RNF170: variants seen among roughly 807,000 people sequenced by gnomAD.
RNF170 encodes E3 ubiquitin-protein ligase RNF170.
In RNF170, 12 loss-of-function variants were observed where a neutral mutation model predicts 32.7. That is an observed-to-expected ratio of 0.37 (90% CI 0.24 to 0.60). The LOEUF (loss-of-function observed/expected upper bound fraction) is 0.60. RNF170 is among the 20% of genes least tolerant of loss of function. RNF170 has a pLI of 0.72. For missense variants in RNF170, 212 were observed against 311.2 expected, an observed-to-expected ratio of 0.68 and a Z score of 2.40; for synonymous variants, 91 against 103.6, an observed-to-expected ratio of 0.88 and a Z score of 0.74.
intron 3 of RNF170, among the ~76,000 whole-genome samples, chr8:42,871,071 A>G (rs1397133810): frequency 6.6e-6 from 1 of 151,354 alleles, no homozygotes; most frequent in East Asian, 2.0e-4. Context: ...TTAGCTGGGC[A>G]TGGTGGCGCA....
At position 42,865,455 on chromosome 8, in the gene RNF170, T is replaced by A. The variant is rs1306560025; in HGVS notation, c.357A>T (p.Ser119=). Residue 119 remains serine (S), a synonymous_variant, in exon 5 of 7, where the codon TCA becomes TCT. Transcript: ENST00000527424. ...TTGGACAACTGATTGCCCCAAGCCA[T>A]GAACCATATCGCCAGTAAGCAATAA... is the stretch of plus-strand genomic sequence containing the variant. ...ACIIAYWRYG[S]WLGAISCPIC... is the part of the protein sequence containing the mutation. The A allele has an allele frequency of 1.2e-6, 2 of 1,613,836 alleles. No homozygotes were observed. The highest frequency in any genetic ancestry group is 1.7e-6 in the Non-Finnish European group (2 of 1,179,870).
At chr8:42,896,389 C>T in intron 1 of RNF170, 95 bp downstream of exon 1, 1 of 442,488 alleles carries the variant, frequency 2.3e-6, no homozygotes, top group Non-Finnish European at 4.5e-6. Flanking sequence ...CGCAGAGCCT[C>T]GGCGGCCAGA....
intron 4 of RNF170, among the ~76,000 whole-genome samples, chr8:42,869,122 C>T (rs1804334649): frequency 6.6e-6 from 1 of 151,916 alleles, no homozygotes; most frequent in African/African-American, 2.4e-5. Flanking sequence ...GTTGCCCAGG[C>T]TGGCCTCCAA....
chr8:42,880,498 G>A (rs925434876), intron 2 of RNF170, among the ~76,000 whole-genome samples: 4 of 152,288 alleles, frequency 2.6e-5, no homozygotes, highest in African/African-American at 4.8e-5. Flanking sequence ...CCAGCCAGGC[G>A]CAGTGGCTCA....
Position 42,854,897 on chromosome 8 carries a change from G to A in RNF170, c.*1262C>T, listed in dbSNP as rs1346027840. ...GGCTCAAGACATGAATCTGAGCTGTGTGCTGCCATCCTGAGACAGTATTAT... is the reference window on the plus strand; with the variant it reads ...GGCTCAAGACATGAATCTGAGCTGTATGCTGCCATCCTGAGACAGTATTAT... On this transcript the variant is annotated 3_prime_UTR_variant, in exon 7 of 7. Transcript: ENST00000527424. 3.1e-6 allele frequency: 4 copies of A among 1,287,076 alleles called. No homozygotes were observed. Among genetic ancestry groups the A allele is most frequent in the Non-Finnish European group, 4.0e-6 (4 of 988,692 alleles). The allele number at this position is 1,287,076 out of a possible 1,614,324, so 79.7% of individuals were successfully genotyped here.
chr8:42,886,081 GGGCGTGGT>G (rs1563272576), intron 2 of RNF170, among the ~76,000 whole-genome samples: 1 of 152,000 alleles, frequency 6.6e-6, no homozygotes, highest in African/African-American at 2.4e-5. Flanking sequence ...AAAATTAGCC[GGGCGTGGT>G]GGTGGGCACC....
In RNF170 at chr8:42,856,105, T is replaced by C; in HGVS notation, c.*54A>G. 1.9e-6 allele frequency: 3 copies of C among 1,608,598 alleles called. No individual in the cohort carries two copies. Among genetic ancestry groups the C allele is most frequent in the Non-Finnish European group, 1.7e-6 (2 of 1,178,666 alleles). ...TTTATACTGCCATGGGTCCTTCTGT[T>C]TGATGTTCTACATTAGCTCAGATAT... is the stretch of plus-strand genomic sequence containing the variant. On this transcript the variant is annotated 3_prime_UTR_variant, in exon 7 of 7. Transcript: ENST00000527424.
chr8:42,897,101 C>T (rs1310522961), upstream of RNF170: 1 of 1,238,478 alleles, frequency 8.1e-7, no homozygotes. Flanking sequence ...TCTGGCCAGG[C>T]GGTAGGCGCT....
At chr8:42,859,991 A>C (rs1803538030) in intron 6 of RNF170, among the ~76,000 whole-genome samples, 1 of 152,158 alleles carries the variant, frequency 6.6e-6, no homozygotes, top group Non-Finnish European at 1.5e-5. Context: ...AGGACACCCC[A>C]AAAATAGAAA....
intron 5 of RNF170, among the ~76,000 whole-genome samples, chr8:42,864,832 T>C (rs1803961851): frequency 6.6e-6 from 1 of 151,916 alleles, no homozygotes; most frequent in Admixed American, 6.6e-5. Context: ...TATGCATATA[T>C]AGAGGATATA....
chr8:42,867,582 T>C (rs758059762), intron 4 of RNF170, among the ~76,000 whole-genome samples: 1 of 150,134 alleles, frequency 6.7e-6, no homozygotes, highest in African/African-American at 2.5e-5. Context: ...AAGACCATCA[T>C]GGCTAACATG....
intron 6 of RNF170, among the ~76,000 whole-genome samples, chr8:42,857,701 T>A (rs566905059): frequency 2.6e-5 from 4 of 152,254 alleles, no homozygotes; most frequent in Non-Finnish European, 5.9e-5. Flanking sequence ...AAATAATAAT[T>A]GAGTAATAGT....
intron 6 of RNF170, among the ~76,000 whole-genome samples, chr8:42,857,880 C>A (rs964310902): frequency 1.3e-5 from 2 of 152,116 alleles, no homozygotes; most frequent in East Asian, 3.9e-4. Flanking sequence ...ACTAAAAATA[C>A]AAAAATTAGC....
intron 2 of RNF170, among the ~76,000 whole-genome samples, chr8:42,879,131 C>A (rs1056626460): frequency 2.0e-5 from 3 of 152,178 alleles, no homozygotes; most frequent in African/African-American, 7.2e-5. Context: ...CACCTAGTCA[C>A]CCACGAGCTC....
rs1803326219 is a variant in RNF170 at position 42,857,456 on chromosome 8, A to G, written c.508-1028T>C. ...TAACAAACAGCCAGCATGTCTTTTGAATACCCTTCTGTCCTTTTTCAGAGC... is the reference window on the plus strand; with the variant it reads ...TAACAAACAGCCAGCATGTCTTTTGGATACCCTTCTGTCCTTTTTCAGAGC... On this transcript the variant is annotated intron_variant, in intron 6 of 6. Coordinates refer to ENST00000527424, the MANE Select transcript of RNF170 (RefSeq NM_030954.4). 2.0e-5 allele frequency among the ~76,000 whole-genome samples: 3 copies of G among 152,232 alleles called. No individual in the cohort carries two copies. The South Asian group carries it at 6.2e-4, about 32-fold the overall frequency.
At chr8:42,865,547 C>T (rs1586498560) in intron 4 of RNF170, 58 bp from the exon 5 acceptor site, 1 of 1,157,606 alleles carries the variant, frequency 8.6e-7, no homozygotes, top group Non-Finnish European at 1.3e-6. Flanking sequence ...TTAAAGTCCA[C>T]ATATCCTCAG....
intron 2 of RNF170, among the ~76,000 whole-genome samples, chr8:42,882,750 T>C (rs79016165): frequency 0.03 from 4,548 of 152,174 alleles, 227 homozygotes; most frequent in African/African-American, 0.1. Flanking sequence ...ATAAAGTTTC[T>C]GTTAGGGAAG....
chr8:42,859,554 A>G (rs1803500775), intron 6 of RNF170, among the ~76,000 whole-genome samples: 1 of 152,018 alleles, frequency 6.6e-6, no homozygotes, highest in African/African-American at 2.4e-5. Context: ...CTGAGCTTGG[A>G]AGGTTGAGGC....
chr8:42,889,820 G>A (rs531311042), intron 1 of RNF170, among the ~76,000 whole-genome samples: 6 of 152,240 alleles, frequency 3.9e-5, no homozygotes, highest in Non-Finnish European at 8.8e-5. Flanking sequence ...AATAAGCTAG[G>A]GGTGGGCCAC....
Sources: gnomAD v4.1 joint callset for allele counts (sites outside exome capture counted in the v4.1 genomes callset) on GRCh38, gnomAD v4.1.1 for gene constraint, MANE v1.5 for transcripts, NCBI Gene and HGNC (gene_info 2026-07-23, HGNC 2026-07-21) for gene names.